PIK3CA: variants seen among roughly 807,000 people sequenced by gnomAD.
PIK3CA encodes phosphatidylinositol 4,5-bisphosphate 3-kinase catalytic subunit alpha isoform.
PIK3CA carries 27 observed loss-of-function variants against 138.2 expected under a neutral mutation model. That is an observed-to-expected ratio of 0.20 (90% CI 0.14 to 0.27). The LOEUF (loss-of-function observed/expected upper bound fraction) is 0.27. Among genes scored for constraint, PIK3CA ranks in the 10% least tolerant of loss-of-function variants. The pLI is 1.00. For missense variants in PIK3CA, 544 were observed against 1,277.4 expected (o/e 0.43, Z 8.75); for synonymous variants, 358 against 413.2 (o/e 0.87, Z 1.62).
chr3:179,187,304 G>A (rs949109411), intron 1 of PIK3CA, among the ~76,000 whole-genome samples: 9 of 151,712 alleles, frequency 5.9e-5, no homozygotes, highest in African/African-American at 7.3e-5. Context: ...TTGGGAGGCC[G>A]AGGTGGGCGG....
At chr3:179,156,538 T>G (rs1349820713) in intron 1 of PIK3CA, among the ~76,000 whole-genome samples, 2 of 152,230 alleles carry the variant, frequency 1.3e-5, no homozygotes, top group Non-Finnish European at 2.9e-5. Flanking sequence ...GTAGGCATGG[T>G]AAGCCTCTTT....
At chr3:179,166,860 A>G (rs1723434312) in intron 1 of PIK3CA, among the ~76,000 whole-genome samples, 1 of 152,090 alleles carries the variant, frequency 6.6e-6, no homozygotes, top group Non-Finnish European at 1.5e-5. Context: ...ATGCCATAGG[A>G]TACATGTAGC....
At chr3:179,198,189 ATT>A (rs1490241323) in intron 1 of PIK3CA, among the ~76,000 whole-genome samples, 1 of 152,240 alleles carries the variant, frequency 6.6e-6, no homozygotes, top group Non-Finnish European at 1.5e-5. Context: ...AAAAAGGAAA[ATT>A]ACAAAGATTG....
rs1724403579 is a variant in PIK3CA at position 179,201,291 on chromosome 3, G to C, written c.564G>C (p.Gly188=). The C allele has an allele frequency of 6.2e-7, 1 of 1,610,512 alleles. No homozygotes were observed. Among genetic ancestry groups the C allele is most frequent in the African/African-American group, 1.3e-5 (1 of 74,742 alleles). ...GCATCTAATGTTTTCCTGTTATAGGGCAAATAATAGTGGTGATCTGGGTAA... is the reference window on the plus strand; with the variant it reads ...GCATCTAATGTTTTCCTGTTATAGGCCAAATAATAGTGGTGATCTGGGTAA... ...PKHIYNKLDK[G]QIIVVIWVIV... Residue 188 remains glycine, a splice_region_variant and synonymous_variant, in exon 4 of 21, where the codon GGG becomes GGC. Transcript: ENST00000263967.
At chr3:179,155,904 G>A (rs750938871) in intron 1 of PIK3CA, among the ~76,000 whole-genome samples, 13 of 152,140 alleles carry the variant, frequency 8.5e-5, no homozygotes, top group Admixed American at 3.9e-4. Context: ...CAGAAAACAC[G>A]GTTTTTCCAT....
rs895368702 is a variant in PIK3CA at position 179,239,430 on chromosome 3, T to C, written c.*5066T>C. 2.6e-5 allele frequency: 5 copies of C among 195,692 alleles called. No homozygotes were observed. Among genetic ancestry groups the C allele is most frequent in the African/African-American group, 1.2e-4 (5 of 43,174 alleles). The allele number at this position is 195,692 out of a possible 1,614,324, so 12.1% of individuals were successfully genotyped here. A position where few individuals can be genotyped will look rare whatever the true frequency, so the allele number is the denominator to read the frequency against. On this transcript the variant is annotated 3_prime_UTR_variant, in exon 21 of 21. Coordinates refer to ENST00000263967, the MANE Select transcript of PIK3CA (RefSeq NM_006218.4). The stretch of plus-strand genomic sequence containing the variant: ...ATGAATTTCCAAAATCATTATCTAT[T>C]TATTTCATTTTTATTTAATTTTGTT...
At chr3:179,210,666 A>AT in intron 9 of PIK3CA, 101 bp downstream of exon 9, 1 of 1,151,448 alleles carries the variant, frequency 8.7e-7, no homozygotes, top group Non-Finnish European at 1.3e-6. Context: ...ACTGGCATAG[A>AT]TACTATGAAC....
In PIK3CA at chr3:179,169,422, G is replaced by A. The variant is rs573571851; in HGVS notation, c.-77+20819G>A. 1.7e-4 allele frequency among the ~76,000 whole-genome samples: 26 copies of A among 152,208 alleles called. No homozygotes were observed. In the South Asian group the frequency reaches 2.5e-3, roughly 15 times the overall value. ...TTGGGAATTGGTTGTCTTCCTATCCGAGAATGTGGAATGTTTTTCCATGTC... is the reference window on the plus strand; with the variant it reads ...TTGGGAATTGGTTGTCTTCCTATCCAAGAATGTGGAATGTTTTTCCATGTC... On this transcript the variant is annotated intron_variant, in intron 1 of 20. Transcript: ENST00000263967.
At chr3:179,190,107 C>A (rs1056310404) in intron 1 of PIK3CA, among the ~76,000 whole-genome samples, 1 of 152,152 alleles carries the variant, frequency 6.6e-6, no homozygotes, top group African/African-American at 2.4e-5. Flanking sequence ...CGCTTCTTAG[C>A]CCTCAAATCC....
rs1480850406 is a variant in PIK3CA, at chr3:179,203,754, A to C, written c.1024A>C (p.Thr342Pro). 1 of 1,611,046 alleles carries C rather than the reference A, an allele frequency of 6.2e-7. No individual in the cohort carries two copies. The change falls in exon 5 of 21, where the codon ACC becomes CCC. Residue 342 changes from threonine (T) to proline (P), a missense_variant. Around this residue, in one of 14 missense-constraint regions of PIK3CA, gnomAD observed 234 missense variants for 401.3 expected, o/e 0.58. Transcript: ENST00000263967. ...ACTCAGAATAAAAATTCTTTGTGCA[A>C]CCTACGTGAATGTAAATATTCGAGA... is the stretch of plus-strand genomic sequence containing the variant. ...SALRIKILCA[T>P]YVNVNIRDID...
chr3:179,218,559 T>G (rs1409044911), intron 10 of PIK3CA, among the ~76,000 whole-genome samples: 1 of 152,046 alleles, frequency 6.6e-6, no homozygotes, highest in Non-Finnish European at 1.5e-5. Flanking sequence ...ATGCTTTTTC[T>G]TACTCTGAAT....
intron 1 of PIK3CA, among the ~76,000 whole-genome samples, chr3:179,167,390 T>G (rs1322931886): frequency 1.3e-5 from 2 of 152,104 alleles, no homozygotes; most frequent in African/African-American, 4.8e-5. Flanking sequence ...TTTCTACTTT[T>G]AAGATACTCA....
intron 1 of PIK3CA, among the ~76,000 whole-genome samples, chr3:179,184,903 G>A (rs1444579330): frequency 6.6e-6 from 1 of 152,188 alleles, no homozygotes. Flanking sequence ...ATGCAGGCAA[G>A]TTTTAATTTA....
intron 1 of PIK3CA, among the ~76,000 whole-genome samples, chr3:179,151,791 T>C (rs1209423488): frequency 6.6e-6 from 1 of 152,246 alleles, no homozygotes; most frequent in East Asian, 1.9e-4. Context: ...CTTCTTTAAC[T>C]GGTTGACTCC....
At chr3:179,229,251 A>C (rs1420502165) in intron 17 of PIK3CA, 21 bp from the exon 18 acceptor site, 1 of 1,584,534 alleles carries the variant, frequency 6.3e-7, no homozygotes, top group South Asian at 1.1e-5. Context: ...TTTAATTGTA[A>C]ACGTGTTACT....
At position 179,194,539 on chromosome 3, in the gene PIK3CA, C is replaced by T. The variant is rs145880972; in HGVS notation, c.-76-4211C>T. ...CAGCCCAGAGTCTCCTTTTTACTAACGGTGTACAACATAAAATTCAAACTC... is the reference window on the plus strand; with the variant it reads ...CAGCCCAGAGTCTCCTTTTTACTAATGGTGTACAACATAAAATTCAAACTC... On this transcript the variant is annotated intron_variant, in intron 1 of 20. Coordinates refer to ENST00000263967, the MANE Select transcript of PIK3CA (RefSeq NM_006218.4). Among the ~76,000 whole-genome samples, 52 of 152,244 alleles carry T rather than the reference C, an allele frequency of 3.4e-4. No individual in the cohort carries two copies. The Middle Eastern group carries it at 0.01, about 30-fold the overall frequency.
chr3:179,182,790 C>T (rs1336701953), intron 1 of PIK3CA, among the ~76,000 whole-genome samples: 1 of 152,026 alleles, frequency 6.6e-6, no homozygotes, highest in East Asian at 1.9e-4. Flanking sequence ...TTATAATTTC[C>T]AAGATACTTG....
intron 14 of PIK3CA, among the ~76,000 whole-genome samples, chr3:179,222,171 G>T (rs1262550466): frequency 6.6e-6 from 1 of 151,796 alleles, no homozygotes; most frequent in East Asian, 1.9e-4. Context: ...GTCCCCAAAG[G>T]ACAGAGAATG....
chr3:179,202,936 C>G (rs1003232659), intron 4 of PIK3CA, among the ~76,000 whole-genome samples: 17 of 134,684 alleles, frequency 1.3e-4, no homozygotes, highest in African/African-American at 4.0e-4. Context: ...TCCTGTGATC[C>G]TTGTTTTTTT....
Sources: allele counts gnomAD v4.1 joint callset (sites outside exome capture counted in the v4.1 genomes callset), GRCh38; gene constraint gnomAD v4.1.1; regional missense constraint gnomAD v4.1.1; transcripts MANE v1.5; gene names NCBI Gene and HGNC (gene_info 2026-07-23, HGNC 2026-07-21).